Variants in NKAIN3 observed in about 807,000 individuals in gnomAD.
NKAIN3 encodes sodium/potassium-transporting ATPase subunit beta-1-interacting protein 3.
NKAIN3 carries 25 observed loss-of-function variants against 30.2 expected under a neutral mutation model. That is an observed-to-expected ratio of 0.83 (90% CI 0.60 to 1.16). The LOEUF is 1.16. Ranked by LOEUF, NKAIN3 falls within the 50% of genes most tolerant of loss-of-function variation. The pLI is 0.00. For synonymous variants in NKAIN3, 91 were observed against 89.6 expected (o/e 1.02, Z -0.09); for missense variants, 225 against 254.1 (o/e 0.89, Z 0.78).
rs1418498641 is a variant in NKAIN3 at position 62,983,677 on chromosome 8, G to A, written c.*18270G>A. ...CCGCCCCATTCATCTGAGTAGTTAG[G>A]GCTCTGGATGAAGGAGCAAATGGAC... is the stretch of plus-strand genomic sequence containing the variant. On this transcript the variant is annotated 3_prime_UTR_variant, in exon 7 of 7. Coordinates refer to ENST00000623646, the MANE Select transcript of NKAIN3 (RefSeq NM_001304533.3). 1 of 152,122 alleles carries A rather than the reference G, an allele frequency of 6.6e-6. No individual in the cohort carries two copies. Among genetic ancestry groups the A allele is most frequent in the Non-Finnish European group, 1.5e-5 (1 of 68,040 alleles). 9.4% of individuals were successfully genotyped at this position (152,122 alleles called of 1,614,324 possible). A position where few individuals can be genotyped will look rare whatever the true frequency, so the allele number is the denominator to read the frequency against.
At chr8:62,414,183 C>T (rs918632433) in intron 1 of NKAIN3, among the ~76,000 whole-genome samples, 13 of 152,102 alleles carry the variant, frequency 8.5e-5, no homozygotes, top group Admixed American at 5.9e-4. Flanking sequence ...TGCATTCCAG[C>T]CTTCAGTACA....
intron 4 of NKAIN3, among the ~76,000 whole-genome samples, chr8:62,893,525 A>G (rs1398162717): frequency 6.6e-6 from 1 of 152,216 alleles, no homozygotes; most frequent in Non-Finnish European, 1.5e-5. Flanking sequence ...GCTATGGGCT[A>G]TGGGCTGGAC....
intron 1 of NKAIN3, among the ~76,000 whole-genome samples, chr8:62,513,463 A>C (rs1807876211): frequency 6.6e-6 from 1 of 152,132 alleles, no homozygotes; most frequent in South Asian, 2.1e-4. Context: ...CATGAATTTG[A>C]ATGATAAGAA....
chr8:62,899,888 A>C (rs1821550421), intron 4 of NKAIN3, among the ~76,000 whole-genome samples: 1 of 152,142 alleles, frequency 6.6e-6, no homozygotes, highest in African/African-American at 2.4e-5. Flanking sequence ...ACCCACAAAG[A>C]GATATAAAAT....
At chr8:62,424,205 A>G (rs1474532176) in intron 1 of NKAIN3, among the ~76,000 whole-genome samples, 1 of 152,056 alleles carries the variant, frequency 6.6e-6, no homozygotes, top group African/African-American at 2.4e-5. Flanking sequence ...CTGAAACTGT[A>G]AAACCACTAG....
intron 3 of NKAIN3, among the ~76,000 whole-genome samples, chr8:62,658,434 C>T (rs765011242): frequency 1.1e-4 from 17 of 152,120 alleles, no homozygotes; most frequent in Non-Finnish European, 1.9e-4. Context: ...AGGCTATCAT[C>T]GGGGAACTGA....
chr8:62,726,399 A>G (rs1563533456), intron 3 of NKAIN3, among the ~76,000 whole-genome samples: 1 of 151,980 alleles, frequency 6.6e-6, no homozygotes, highest in Non-Finnish European at 1.5e-5. Context: ...CTTTCCATTT[A>G]TCTTCATTTA....
intron 3 of NKAIN3, among the ~76,000 whole-genome samples, chr8:62,719,041 T>C (rs1333830005): frequency 6.6e-6 from 1 of 152,186 alleles, no homozygotes; most frequent in Admixed American, 6.5e-5. Context: ...CACTACAGTG[T>C]GGAAAGGTCC....
At chr8:62,943,543 C>T (rs576591547) in intron 5 of NKAIN3, among the ~76,000 whole-genome samples, 1 of 146,932 alleles carries the variant, frequency 6.8e-6, no homozygotes, top group South Asian at 2.1e-4. Flanking sequence ...TACTGGGTAT[C>T]TACCCAGAGG....
intron 1 of NKAIN3, among the ~76,000 whole-genome samples, chr8:62,573,675 CTTTTT>C (rs140760754): frequency 6.6e-6 from 1 of 152,022 alleles, no homozygotes; most frequent in African/African-American, 2.4e-5. Context: ...TTCCACTGTT[CTTTTT>C]TTAAGTGTCT....
chr8:62,611,778 C>A (rs1434875083), intron 3 of NKAIN3, among the ~76,000 whole-genome samples: 1 of 152,118 alleles, frequency 6.6e-6, no homozygotes, highest in African/African-American at 2.4e-5. Flanking sequence ...TTGATATACT[C>A]ATTTTCTTTC....
At chr8:62,252,286 G>T (rs1014883010) in intron 1 of NKAIN3, among the ~76,000 whole-genome samples, 6 of 152,144 alleles carry the variant, frequency 3.9e-5, no homozygotes, top group African/African-American at 1.4e-4. Flanking sequence ...CATGACTAAG[G>T]CTTAACTGGG....
At chr8:62,269,625 C>T (rs1478697119) in intron 1 of NKAIN3, among the ~76,000 whole-genome samples, 2 of 152,042 alleles carry the variant, frequency 1.3e-5, no homozygotes, top group Non-Finnish European at 1.5e-5. Flanking sequence ...TGTTCAAATA[C>T]GTAGATTTTA....
intron 1 of NKAIN3, among the ~76,000 whole-genome samples, chr8:62,369,850 C>A (rs62509192): frequency 0.14 from 20,505 of 151,648 alleles, 1,659 homozygotes; most frequent in East Asian, 0.39. Context: ...TGCCTGCCTA[C>A]TTTGAATCTG....
rs989425021 is a variant in NKAIN3 at position 62,933,033 on chromosome 8, G to A, written c.532+14520G>A. 4.2e-5 allele frequency among the ~76,000 whole-genome samples: 3 copies of A among 70,778 alleles called. No individual in the cohort carries two copies. In the South Asian group the frequency reaches 1.5e-3, roughly 34 times the overall value. 46.4% of individuals were successfully genotyped at this position (70,778 alleles called of 152,430 possible). On this transcript the variant is annotated intron_variant, in intron 5 of 6. Coordinates refer to ENST00000623646, the MANE Select transcript of NKAIN3 (RefSeq NM_001304533.3). ...ACACACACACACACACACACACCAG[G>A]GAATGAGAGAATTGATACCTTGTCA...
At chr8:62,590,036 A>G (rs1181266400) in intron 3 of NKAIN3, among the ~76,000 whole-genome samples, 2 of 151,610 alleles carry the variant, frequency 1.3e-5, no homozygotes, top group Non-Finnish European at 3.0e-5. Flanking sequence ...AGTTTGTTAT[A>G]CTGAAGTGGG....
At chr8:62,613,138 T>C (rs775960448) in intron 3 of NKAIN3, among the ~76,000 whole-genome samples, 23 of 152,178 alleles carry the variant, frequency 1.5e-4, no homozygotes, top group Non-Finnish European at 2.9e-4. Context: ...GGTGATTATT[T>C]ATTGCTCATT....
At chr8:62,409,005 A>C (rs1178848709) in intron 1 of NKAIN3, among the ~76,000 whole-genome samples, 1 of 152,154 alleles carries the variant, frequency 6.6e-6, no homozygotes. Context: ...GTTTTGAAGA[A>C]TTATTACTCT....
chr8:62,612,355 C>T (rs759433543), intron 3 of NKAIN3, among the ~76,000 whole-genome samples: 14 of 152,082 alleles, frequency 9.2e-5, no homozygotes, highest in South Asian at 2.1e-4. Flanking sequence ...ATCCCTTTGT[C>T]GTTACATAGA....
Sources: allele counts gnomAD v4.1 joint callset (sites outside exome capture counted in the v4.1 genomes callset), GRCh38; gene constraint gnomAD v4.1.1; transcripts MANE v1.5; gene names NCBI Gene and HGNC (gene_info 2026-07-23, HGNC 2026-07-21).